SEC24D: variants seen among roughly 807,000 people sequenced by gnomAD.
SEC24D encodes SEC24 homolog D, COPII component, also known as protein transport protein Sec24D.
SEC24D carries 69 observed loss-of-function variants against 116.9 expected under a neutral mutation model. The ratio of observed to expected loss-of-function variants is 0.59; its 90% CI spans 0.49 to 0.72. The LOEUF is 0.72. SEC24D is among the 30% of genes least tolerant of loss of function. The pLI is 0.00. For missense variants in SEC24D, 1,131 were observed against 1,264.1 expected (o/e 0.89, Z 1.60); for synonymous variants, 405 against 442.8 (o/e 0.91, Z 1.07).
intron 6 of SEC24D, among the ~76,000 whole-genome samples, chr4:118,812,234 A>C (rs973993308): frequency 6.6e-6 from 1 of 152,156 alleles, no homozygotes; most frequent in Non-Finnish European, 1.5e-5. Context: ...GGCCCTCAGA[A>C]AGATATGTCC....
intron 15 of SEC24D, among the ~76,000 whole-genome samples, chr4:118,742,610 A>G (rs1726286131): frequency 6.6e-6 from 1 of 152,214 alleles, no homozygotes; most frequent in Non-Finnish European, 1.5e-5. Context: ...TTCATTTACA[A>G]TCTTTGGTCT....
chr4:118,740,233 T>C (rs971037956), intron 17 of SEC24D, among the ~76,000 whole-genome samples: 2 of 152,150 alleles, frequency 1.3e-5, no homozygotes, highest in African/African-American at 2.4e-5. Flanking sequence ...CTCAGAAACC[T>C]TGATCTTGGA....
At chr4:118,830,364 A>C (rs189778270) in intron 2 of SEC24D, among the ~76,000 whole-genome samples, 192 of 152,322 alleles carry the variant, frequency 1.3e-3, no homozygotes, top group African/African-American at 4.0e-3. Context: ...GGAGTTCAAG[A>C]CCAGCCTGGG....
intron 8 of SEC24D, among the ~76,000 whole-genome samples, chr4:118,770,829 G>C (rs777122934): frequency 6.6e-6 from 1 of 152,170 alleles, no homozygotes; most frequent in South Asian, 2.1e-4. Context: ...GGAAACTGGA[G>C]TCAAGTCATG....
In SEC24D at chr4:118,815,539, C is replaced by G. The variant is rs1289925231; in HGVS notation, c.585G>C (p.Gly195=). 1.2e-6 allele frequency: 2 copies of G among 1,614,136 alleles called. No individual in the cohort carries two copies. The highest frequency in any genetic ancestry group is 2.2e-5 in the South Asian group (2 of 91,084). Residue 195 remains glycine, a synonymous_variant, in exon 5 of 23, where the codon GGG becomes GGC. Coordinates refer to ENST00000280551, the MANE Select transcript of SEC24D (RefSeq NM_014822.4). ...CATTTGGAGGAGGAGGCCCAGAGAG[C>G]CCATCTGGTCTGTACATTGGTAGAG... ...PLPLPMYRPD[G]LSGPPPPNAQ... is the part of the protein sequence containing the mutation.
intron 8 of SEC24D, among the ~76,000 whole-genome samples, chr4:118,774,319 T>A (rs1416927975): frequency 6.6e-6 from 1 of 152,170 alleles, no homozygotes; most frequent in Non-Finnish European, 1.5e-5. Flanking sequence ...TTCTTTTCAT[T>A]GAAAAATACT....
chr4:118,793,024 G>C (rs2389689), intron 8 of SEC24D, among the ~76,000 whole-genome samples: 1 of 152,002 alleles, frequency 6.6e-6, no homozygotes, highest in Non-Finnish European at 1.5e-5. Flanking sequence ...GTATCTAAGG[G>C]GAGTGGAAAG....
chr4:118,815,639 G>C lies in SEC24D; in HGVS notation c.485C>G (p.Ser162Cys), dbSNP rs747508468. ...LQTPPRPPQP[S>C]ILQPGSQVLP... ...AACTTGAGATCCAGGCTGCAAAATG[G>C]AAGGCTGTGGAGGTCGTGGAGGAGT... The change falls in exon 5 of 23, where the codon TCC (serine) becomes TGC (cysteine). Residue 162 changes from serine (S) to cysteine (C), a missense_variant. Coordinates refer to ENST00000280551, the MANE Select transcript of SEC24D (RefSeq NM_014822.4). The C allele has an allele frequency of 4.3e-5, 69 of 1,614,082 alleles. No individual in the cohort carries two copies. Among genetic ancestry groups the C allele is most frequent in the Non-Finnish European group, 5.8e-5 (69 of 1,180,044 alleles).
At chr4:118,726,495 G>C (rs993721262) in intron 22 of SEC24D, among the ~76,000 whole-genome samples, 1 of 152,122 alleles carries the variant, frequency 6.6e-6, no homozygotes, top group Non-Finnish European at 1.5e-5. Context: ...CAAGGAGCTT[G>C]GTTGTAGAAT....
intron 2 of SEC24D, among the ~76,000 whole-genome samples, chr4:118,828,456 G>A (rs1730684934): frequency 6.6e-6 from 1 of 152,074 alleles, no homozygotes; most frequent in South Asian, 2.1e-4. Flanking sequence ...GTGTCCTCAA[G>A]CAAGGGCGAT....
intron 3 of SEC24D, among the ~76,000 whole-genome samples, chr4:118,819,530 C>CAAAAAA (rs373794417): frequency 4.9e-5 from 3 of 60,898 alleles, no homozygotes; most frequent in East Asian, 4.3e-4. Context: ...GACCCCGTCT[C>CAAAAAA]AAAAAAAAAA....
intron 8 of SEC24D, among the ~76,000 whole-genome samples, chr4:118,792,094 C>T (rs1275360355): frequency 7.3e-5 from 11 of 150,936 alleles, no homozygotes; most frequent in East Asian, 2.0e-4. Context: ...GCCTCTGCCC[C>T]GCCGCCCCGT....
chr4:118,738,373 T>C lies in SEC24D; in HGVS notation c.2384A>G (p.Lys795Arg), dbSNP rs2110437931. 6.2e-7 allele frequency: 1 copy of C among 1,602,464 alleles called. No homozygotes were observed. The highest frequency in any genetic ancestry group is 8.5e-7 in the Non-Finnish European group (1 of 1,169,628). Residue 795 changes from lysine (K) to arginine (R), a missense_variant, in exon 19 of 23, where the codon AAA (lysine) becomes AGA (arginine). Physicochemically the swap from Lys to Arg is conservative, Grantham distance 26. Transcript: ENST00000280551. ...CTTCAAAGGCTGGTGGAGAACTGCT[T>C]TAAAAGCTACATCACAAAACAATGA... is the stretch of plus-strand genomic sequence containing the variant. Reference protein sequence around the residue: ...LINFFAKSAFKAVLHQPLKVI... With the variant: ...LINFFAKSAFRAVLHQPLKVI...
At chr4:118,743,562 C>A (rs1260211554) in intron 15 of SEC24D, among the ~76,000 whole-genome samples, 1 of 152,132 alleles carries the variant, frequency 6.6e-6, no homozygotes, top group African/African-American at 2.4e-5. Context: ...CAGGGTCTTG[C>A]TATGTAGCCC....
At chr4:118,809,483 T>C (rs1729812605) in intron 6 of SEC24D, among the ~76,000 whole-genome samples, 1 of 152,200 alleles carries the variant, frequency 6.6e-6, no homozygotes, top group African/African-American at 2.4e-5. Flanking sequence ...AAAATTTATT[T>C]TGTTAGCAAA....
rs369683734 is a variant in SEC24D, at chr4:118,760,813, T to G, written c.1297-2968A>C. Among the ~76,000 whole-genome samples the G allele has an allele frequency of 5.9e-5, 9 of 152,234 alleles. No homozygotes were observed. In the South Asian group the frequency reaches 1.2e-3, roughly 21 times the overall value. On this transcript the variant is annotated intron_variant, in intron 10 of 22. Transcript: ENST00000280551. ...ACCTCCAACTCCCGGGTTCAAGCGA[T>G]TCTCCTGCCTCAGCATCCCAAGTAG... is the stretch of plus-strand genomic sequence containing the variant.
At chr4:118,771,650 A>G (rs1237244916) in intron 8 of SEC24D, among the ~76,000 whole-genome samples, 2 of 152,248 alleles carry the variant, frequency 1.3e-5, no homozygotes, top group Non-Finnish European at 2.9e-5. Flanking sequence ...CTAAAATGAT[A>G]TCCAACAATT....
At chr4:118,763,357 G>A (rs1727479032) in intron 10 of SEC24D, among the ~76,000 whole-genome samples, 1 of 151,532 alleles carries the variant, frequency 6.6e-6, no homozygotes, top group Non-Finnish European at 1.5e-5. Flanking sequence ...AAAATTTTAA[G>A]AGCCAGTCAA....
chr4:118,783,184 G>A (rs1334803077), intron 8 of SEC24D, among the ~76,000 whole-genome samples: 1 of 152,198 alleles, frequency 6.6e-6, no homozygotes, highest in South Asian at 2.1e-4. Context: ...CGTCTTCTGC[G>A]TCAATCACGC....
Sources: gnomAD v4.1 joint callset for allele counts (sites outside exome capture counted in the v4.1 genomes callset) on GRCh38, gnomAD v4.1.1 for gene constraint, MANE v1.5 for transcripts, NCBI Gene and HGNC (gene_info 2026-07-23, HGNC 2026-07-21) for gene names.